EBF1: variants seen among roughly 807,000 people sequenced by gnomAD.
The protein encoded by EBF1 is transcription factor COE1.
In EBF1, 10 loss-of-function variants were observed where a neutral mutation model predicts 68.4. The ratio of observed to expected loss-of-function variants is 0.15; its 90% CI spans 0.09 to 0.25. The LOEUF is 0.25. Among genes scored for constraint, EBF1 ranks in the 10% least tolerant of loss-of-function variants. The pLI is 1.00. For missense variants in EBF1, 509 were observed against 794.4 expected (o/e 0.64, Z 4.32); for synonymous variants, 298 against 299.8 (o/e 0.99, Z 0.06).
At chr5:158,737,703 T>G (rs1765513464) in intron 10 of EBF1, among the ~76,000 whole-genome samples, 1 of 152,098 alleles carries the variant, frequency 6.6e-6, no homozygotes, top group South Asian at 2.1e-4. Context: ...AGGTATTAGG[T>G]GCCTTGAGTG....
rs397939250 is a variant in EBF1 at position 158,883,111 on chromosome 5, T to TA, written c.555-43002dup. 6.1e-3 allele frequency among the ~76,000 whole-genome samples: 896 copies of TA among 147,828 alleles called. 11 individuals are homozygous for TA. The highest frequency in any genetic ancestry group is 0.021 in the African/African-American group (830 of 40,430). ...TTTCTTCAAAATATGTATGTAATGT[T>TA]AAAAAAAAAAGTGAAGGGAAGCTGT... On this transcript the variant is annotated intron_variant, in intron 6 of 15. Coordinates refer to ENST00000313708, the MANE Select transcript of EBF1 (RefSeq NM_024007.5).
At chr5:158,930,266 TTTTTTG>T (rs1454462198) in intron 6 of EBF1, among the ~76,000 whole-genome samples, 1 of 110,282 alleles carries the variant, frequency 9.1e-6, no homozygotes, top group Admixed American at 8.8e-5. Context: ...TTTTGTTTTT[TTTTTTG>T]TTTGTTTTTT....
At position 159,035,859 on chromosome 5, in the gene EBF1, A is replaced by T. The variant is rs183651157; in HGVS notation, c.554+37537T>A. Among the ~76,000 whole-genome samples, 5 of 152,088 alleles carry T rather than the reference A, an allele frequency of 3.3e-5. No individual in the cohort carries two copies. The East Asian group carries it at 9.7e-4, about 29-fold the overall frequency. On this transcript the variant is annotated intron_variant, in intron 6 of 15. Coordinates refer to ENST00000313708, the MANE Select transcript of EBF1 (RefSeq NM_024007.5). Reference sequence around the variant, plus strand: ...CACAAAAGTATTGTGATAATCACTCACTCCCTTAAAATCTCCTTTTGGGGT... The same window carrying T: ...CACAAAAGTATTGTGATAATCACTCTCTCCCTTAAAATCTCCTTTTGGGGT...
intron 6 of EBF1, among the ~76,000 whole-genome samples, chr5:159,035,129 AAGAG>A (rs371989316): frequency 4.0e-5 from 6 of 151,148 alleles, no homozygotes; most frequent in South Asian, 2.1e-4. Flanking sequence ...AAGAGAAAGA[AAGAG>A]AGAGAGAGAG....
At chr5:158,721,903 CT>C (rs879649056) in intron 11 of EBF1, among the ~76,000 whole-genome samples, 184 of 145,066 alleles carry the variant, frequency 1.3e-3, no homozygotes, top group Non-Finnish European at 1.0e-3. Flanking sequence ...TTTCCCCTCC[CT>C]TTTTTTTTTT....
intron 6 of EBF1, among the ~76,000 whole-genome samples, chr5:159,057,139 C>T (rs1774926095): frequency 7.8e-6 from 1 of 127,586 alleles, no homozygotes; most frequent in Non-Finnish European, 1.6e-5. Context: ...TGGAGTCTCA[C>T]TCTGTCACCC....
chr5:158,912,277 C>T (rs959309770), intron 6 of EBF1, among the ~76,000 whole-genome samples: 3 of 152,176 alleles, frequency 2.0e-5, no homozygotes, highest in African/African-American at 7.2e-5. Context: ...GGGACTTACC[C>T]ACCAAAGTTC....
At chr5:159,018,169 G>A (rs1765975681) in intron 6 of EBF1, among the ~76,000 whole-genome samples, 1 of 151,868 alleles carries the variant, frequency 6.6e-6, no homozygotes, top group Non-Finnish European at 1.5e-5. Flanking sequence ...AATCATCCAA[G>A]GACATCTAGA....
rs114902458 is a variant in EBF1 at position 158,857,077 on chromosome 5, G to A, written c.555-16967C>T. Among the ~76,000 whole-genome samples the A allele has an allele frequency of 6.8e-3, 1,037 of 151,990 alleles. 10 individuals are homozygous for A. The highest frequency in any genetic ancestry group is 0.024 in the African/African-American group (987 of 41,442). On this transcript the variant is annotated intron_variant, in intron 6 of 15. Transcript: ENST00000313708. ...AACAAAACTATCTTTGCCATCTTCC[G>A]CCTCCTACTCTCTGCCACAGAGATT...
intron 10 of EBF1, among the ~76,000 whole-genome samples, chr5:158,774,981 A>AT (rs1262838643): frequency 1.4e-5 from 2 of 141,688 alleles, no homozygotes; most frequent in Admixed American, 7.0e-5. Flanking sequence ...CTTCTAGAAT[A>AT]TTTAAAAAAA....
At chr5:158,817,177 T>C (rs1377124378) in intron 8 of EBF1, among the ~76,000 whole-genome samples, 1 of 151,858 alleles carries the variant, frequency 6.6e-6, no homozygotes, top group Non-Finnish European at 1.5e-5. Context: ...GCCCTCTCAG[T>C]CTCCTTTTGT....
chr5:159,099,622 A>C lies in EBF1; in HGVS notation c.-144T>G, dbSNP rs1783278562. ...TTTCTCAGACGATGAACTCGCACTT[A>C]GAAGATCAAGGCGGGCTGGAAAGCA... On this transcript the variant is annotated 5_prime_UTR_variant, in exon 1 of 16. Coordinates refer to ENST00000313708, the MANE Select transcript of EBF1 (RefSeq NM_024007.5). 17 of 1,179,368 alleles carry C rather than the reference A, an allele frequency of 1.4e-5. No homozygotes were observed. The highest frequency in any genetic ancestry group is 1.9e-5 in the Non-Finnish European group (17 of 882,908). 73.1% of individuals were successfully genotyped at this position (1,179,368 alleles called of 1,614,324 possible).
intron 6 of EBF1, among the ~76,000 whole-genome samples, chr5:159,031,768 C>T (rs1034468735): frequency 7.2e-5 from 11 of 152,190 alleles, no homozygotes; most frequent in Admixed American, 3.3e-4. Flanking sequence ...GCAGGGCTCT[C>T]GCTGCGCTGC....
At chr5:158,764,317 A>G (rs1772168147) in intron 10 of EBF1, among the ~76,000 whole-genome samples, 1 of 152,188 alleles carries the variant, frequency 6.6e-6, no homozygotes, top group African/African-American at 2.4e-5. Context: ...ATCTACCACT[A>G]ACTGACAGAC....
At chr5:158,738,080 G>A (rs969145907) in intron 10 of EBF1, among the ~76,000 whole-genome samples, 5 of 152,138 alleles carry the variant, frequency 3.3e-5, no homozygotes, top group Admixed American at 6.5e-5. Context: ...CCCCATTCAT[G>A]TAGAAGCATG....
rs548842842 is a variant in EBF1, at chr5:158,854,575, G to A, written c.555-14465C>T. Among the ~76,000 whole-genome samples the A allele has an allele frequency of 7.2e-5, 11 of 152,300 alleles. No individual in the cohort carries two copies. The South Asian group carries it at 1.9e-3, about 26-fold the overall frequency. On this transcript the variant is annotated intron_variant, in intron 6 of 15. Transcript: ENST00000313708. ...TCCAATACCCACCTGTTCACAGCTG[G>A]ATTTCCCAGGGCACTTAATTTAATC... is the stretch of plus-strand genomic sequence containing the variant.
intron 6 of EBF1, among the ~76,000 whole-genome samples, chr5:158,854,445 G>A (rs1793573392): frequency 6.6e-6 from 1 of 152,222 alleles, no homozygotes; most frequent in Non-Finnish European, 1.5e-5. Flanking sequence ...TGGGTGAAGG[G>A]AGAAGTTGGG....
At chr5:159,076,073 T>C (rs748707187) in intron 5 of EBF1, among the ~76,000 whole-genome samples, 13 of 152,016 alleles carry the variant, frequency 8.6e-5, no homozygotes, top group Non-Finnish European at 1.8e-4. Context: ...TCAATGCAAA[T>C]TATATTTTTA....
At chr5:158,930,706 A>G (rs1225701561) in intron 6 of EBF1, among the ~76,000 whole-genome samples, 2 of 152,154 alleles carry the variant, frequency 1.3e-5, no homozygotes, top group Admixed American at 6.5e-5. Flanking sequence ...GCTTGTTCAC[A>G]TTTCTAAGGC....
Sources: allele counts gnomAD v4.1 joint callset (sites outside exome capture counted in the v4.1 genomes callset), GRCh38; gene constraint gnomAD v4.1.1; transcripts MANE v1.5; gene names NCBI Gene and HGNC (gene_info 2026-07-23, HGNC 2026-07-21).